INPP5F: variants seen among roughly 807,000 people sequenced by gnomAD.
INPP5F encodes the protein phosphatidylinositide 4-phosphatase SAC2.
INPP5F carries 97 observed loss-of-function variants against 137.2 expected under a neutral mutation model. The ratio of observed to expected loss-of-function variants is 0.71; its 90% CI spans 0.60 to 0.84. The LOEUF (loss-of-function observed/expected upper bound fraction) is 0.84. Ranked by LOEUF, INPP5F falls within the 40% of genes least tolerant of loss-of-function variation. INPP5F has a pLI of 0.00. For synonymous variants in INPP5F, 504 were observed against 476.9 expected (o/e 1.06, Z -0.74); for missense variants, 1,271 against 1,371.9 (o/e 0.93, Z 1.16).
chr10:119,817,866 G>C (rs1851341189), intron 15 of INPP5F, among the ~76,000 whole-genome samples: 2 of 152,160 alleles, frequency 1.3e-5, no homozygotes, highest in African/African-American at 2.4e-5. Context: ...CAATTGTCTT[G>C]TTGACAAAAT....
At chr10:119,740,885 G>A (rs779730539) in intron 1 of INPP5F, among the ~76,000 whole-genome samples, 2 of 152,170 alleles carry the variant, frequency 1.3e-5, no homozygotes, top group Non-Finnish European at 2.9e-5. Flanking sequence ...TTAAATTATG[G>A]AGAGGTTACT....
intron 15 of INPP5F, chr10:119,816,399 T>G (rs1484635139): frequency 2.6e-5 from 4 of 152,248 alleles, no homozygotes. Flanking sequence ...ACTATTGCGT[T>G]TCCATCTAGA....
intron 18 of INPP5F, among the ~76,000 whole-genome samples, chr10:119,823,405 A>C (rs1172948295): frequency 2.0e-5 from 3 of 152,206 alleles, no homozygotes. Context: ...GTCTGGGGCA[A>C]GGGAATCTTT....
chr10:119,767,131 A>AAAAAAAAAAAAC, intron 2 of INPP5F, among the ~76,000 whole-genome samples: 1 of 149,984 alleles, frequency 6.7e-6, no homozygotes, highest in Non-Finnish European at 1.5e-5. Flanking sequence ...AAAAAAAAAA[A>AAAAAAAAAAAAC]AACCTAGAGA....
At position 119,821,973 on chromosome 10, in the gene INPP5F, A is replaced by G. The variant is rs1199327361; in HGVS notation, c.1959-458A>G. On this transcript the variant is annotated intron_variant, in intron 16 of 19. Coordinates refer to ENST00000650623, the MANE Select transcript of INPP5F (RefSeq NM_014937.4). ...AACCTCCGCCTCTCGGGTTCAAGTGATTCTCCTCCTGGGTTCAAGTGATTC... is the reference window on the plus strand; with the variant it reads ...AACCTCCGCCTCTCGGGTTCAAGTGGTTCTCCTCCTGGGTTCAAGTGATTC... Among the ~76,000 whole-genome samples the G allele has an allele frequency of 2.1e-5, 3 of 140,238 alleles. No individual in the cohort carries two copies. The Admixed American group carries it at 2.3e-4, about 11-fold the overall frequency. The allele number at this position is 140,238 out of a possible 152,430, so 92.0% of individuals were successfully genotyped here.
At chr10:119,820,080 A>G (rs1365459884) in intron 15 of INPP5F, among the ~76,000 whole-genome samples, 1 of 152,242 alleles carries the variant, frequency 6.6e-6, no homozygotes, top group African/African-American at 2.4e-5. Flanking sequence ...ATATTAGACT[A>G]AAAGTTTCAC....
rs1475927341 is a variant in INPP5F, at chr10:119,806,493, CTGT to C, written c.1440+16_1440+18del. ...CATGGAACAGCAGGTAATTTGGAGT[CTGT>C]TGGATTGCAAATATTCATTTCGAAA... On this transcript the variant is annotated intron_variant, in intron 12 of 19. Coordinates refer to ENST00000650623, the MANE Select transcript of INPP5F (RefSeq NM_014937.4). 1.3e-6 allele frequency: 2 copies of C among 1,572,216 alleles called. No homozygotes were observed. Among genetic ancestry groups the C allele is most frequent in the Non-Finnish European group, 1.7e-6 (2 of 1,164,604 alleles).
At chr10:119,740,328 G>GT (rs2134109693) in intron 1 of INPP5F, among the ~76,000 whole-genome samples, 1 of 152,312 alleles carries the variant, frequency 6.6e-6, no homozygotes, top group Admixed American at 6.5e-5. Context: ...CCAGAATTTG[G>GT]TTGTTGGGAC....
In INPP5F at chr10:119,805,432, T is replaced by C; in HGVS notation, c.1290T>C (p.Tyr430=). ...TTCAGACACTAACAGATGCCATTTA[T>C]GACATTATTCTTGATATGAAGTGGT... ...ENVQTLTDAI[Y]DIILDMKWCW... The change falls in exon 11 of 20, where the codon TAT becomes TAC. Residue 430 remains tyrosine, a synonymous_variant. Transcript: ENST00000650623. 1 of 1,612,836 alleles carries C rather than the reference T, an allele frequency of 6.2e-7. No individual in the cohort carries two copies. Among genetic ancestry groups the C allele is most frequent in the Non-Finnish European group, 8.5e-7 (1 of 1,178,922 alleles).
intron 13 of INPP5F, among the ~76,000 whole-genome samples, chr10:119,809,468 A>C (rs2134253216): frequency 6.6e-6 from 1 of 152,126 alleles, no homozygotes; most frequent in Admixed American, 6.5e-5. Flanking sequence ...AGGGGTTGGG[A>C]TGGGGAAAAA....
intron 1 of INPP5F, among the ~76,000 whole-genome samples, chr10:119,741,056 C>G (rs141359863): frequency 3.3e-5 from 5 of 152,130 alleles, no homozygotes; most frequent in African/African-American, 1.2e-4. Context: ...ATTCTGTTTA[C>G]GAAGGAGGAA....
chr10:119,813,047 T>A (rs1416734260), intron 15 of INPP5F, among the ~76,000 whole-genome samples: 2 of 152,226 alleles, frequency 1.3e-5, no homozygotes, highest in Admixed American at 1.3e-4. Flanking sequence ...GTCAATATCA[T>A]CTTTCTTCAG....
At chr10:119,767,935 T>C (rs937079843) in intron 2 of INPP5F, among the ~76,000 whole-genome samples, 15 of 152,222 alleles carry the variant, frequency 9.9e-5, no homozygotes, top group African/African-American at 3.4e-4. Context: ...TTTTTTAGTT[T>C]AGACTGTCAA....
chr10:119,750,984 C>T lies in INPP5F; in HGVS notation c.98-92C>T. The stretch of plus-strand genomic sequence containing the variant: ...GGATATTCATACTGCTTTTTTGGGA[C>T]ATTGATTTTTTTTCAATACACTGCT... On this transcript the variant is annotated intron_variant, in intron 1 of 19. Coordinates refer to ENST00000650623, the MANE Select transcript of INPP5F (RefSeq NM_014937.4). The T allele has an allele frequency of 1.1e-5, 9 of 812,052 alleles. 1 individual carries two copies. In the South Asian group the frequency reaches 1.3e-4, roughly 12 times the overall value. 50.3% of individuals were successfully genotyped at this position (812,052 alleles called of 1,614,324 possible).
At chr10:119,794,844 G>T (rs1173421565) in intron 6 of INPP5F, among the ~76,000 whole-genome samples, 19 of 113,882 alleles carry the variant, frequency 1.7e-4, no homozygotes, top group African/African-American at 5.6e-4. Flanking sequence ...GGCCGGGCGG[G>T]GGTCTGACCC....
intron 2 of INPP5F, among the ~76,000 whole-genome samples, chr10:119,752,545 A>G (rs1249319920): frequency 3.4e-5 from 5 of 149,122 alleles, no homozygotes; most frequent in Non-Finnish European, 7.4e-5. Context: ...AGATTGCGCC[A>G]TTGCACTCCA....
In INPP5F at chr10:119,804,201, G is replaced by GA. The variant is rs756601376; in HGVS notation, c.1147dup (p.Arg383LysfsTer27). The GA allele has an allele frequency of 6.2e-7, 1 of 1,610,586 alleles. No homozygotes were observed. Reference sequence around the variant, plus strand: ...ATTATTAACTTGGTAGACCAGGCAGGAAGAGAGAAGATTATTGGCGATGCT... The same window carrying GA: ...ATTATTAACTTGGTAGACCAGGCAGGAAAGAGAGAAGATTATTGGCGATGCT... On this transcript the variant is annotated frameshift_variant, in exon 10 of 20. Transcript: ENST00000650623. LOFTEE classifies it high-confidence loss of function.
chr10:119,734,619 C>T (rs1425608090), intron 1 of INPP5F, among the ~76,000 whole-genome samples: 1 of 152,166 alleles, frequency 6.6e-6, no homozygotes, highest in Non-Finnish European at 1.5e-5. Context: ...CAGGCATGAG[C>T]CACTGCACCT....
chr10:119,819,540 G>C, intron 15 of INPP5F: 1 of 1,599,598 alleles, frequency 6.3e-7, no homozygotes, highest in Non-Finnish European at 8.5e-7. Flanking sequence ...CAGAGTGCAC[G>C]TAAGTATCAA....
Sources: gnomAD v4.1 joint callset for allele counts (sites outside exome capture counted in the v4.1 genomes callset) on GRCh38, gnomAD v4.1.1 for gene constraint, MANE v1.5 for transcripts, NCBI Gene and HGNC (gene_info 2026-07-23, HGNC 2026-07-21) for gene names.